The following HS6ST3 variants were observed in gnomAD, a reference collection of about 807,000 sequenced individuals.
The protein encoded by HS6ST3 is heparan sulfate 6-O-sulfotransferase 3.
HS6ST3 carries 12 observed loss-of-function variants against 36.7 expected under a neutral mutation model. That is an observed-to-expected ratio of 0.33 (90% CI 0.21 to 0.53). The LOEUF is 0.53. Ranked by LOEUF, HS6ST3 falls within the 20% of genes least tolerant of loss-of-function variation. HS6ST3 has a pLI of 0.95. For missense variants in HS6ST3, 584 were observed against 640.9 expected, an observed-to-expected ratio of 0.91 and a Z score of 0.96; for synonymous variants, 240 against 257.5, an observed-to-expected ratio of 0.93 and a Z score of 0.65.
intron 1 of HS6ST3, among the ~76,000 whole-genome samples, chr13:96,763,927 G>A (rs1334534359): frequency 6.6e-6 from 1 of 152,206 alleles, no homozygotes; most frequent in Non-Finnish European, 1.5e-5. Context: ...TAAGTGTGAA[G>A]TTAGAAACTA....
intron 1 of HS6ST3, among the ~76,000 whole-genome samples, chr13:96,505,624 T>C (rs1024615866): frequency 6.6e-6 from 1 of 152,164 alleles, no homozygotes; most frequent in Non-Finnish European, 1.5e-5. Flanking sequence ...TTACTTGTCT[T>C]CATTTGTTCT....
chr13:96,532,650 G>A (rs1462522441), intron 1 of HS6ST3, among the ~76,000 whole-genome samples: 1 of 152,164 alleles, frequency 6.6e-6, no homozygotes, highest in Non-Finnish European at 1.5e-5. Flanking sequence ...ATTTGTGCTA[G>A]GCTAACAAAG....
In HS6ST3 at chr13:96,619,172, G is replaced by A. The variant is rs12100266; in HGVS notation, c.708-213318G>A. 6.6e-5 allele frequency among the ~76,000 whole-genome samples: 10 copies of A among 152,278 alleles called. No individual in the cohort carries two copies. The South Asian group carries it at 2.1e-3, about 32-fold the overall frequency. ...TTCTCCATTGAAGTGTATGAATGTAGACACTTAAGGTTACATTTTCAAAGA... is the reference window on the plus strand; with the variant it reads ...TTCTCCATTGAAGTGTATGAATGTAAACACTTAAGGTTACATTTTCAAAGA... On this transcript the variant is annotated intron_variant, in intron 1 of 1. Coordinates refer to ENST00000376705, the MANE Select transcript of HS6ST3 (RefSeq NM_153456.4).
At chr13:96,232,864 A>C (rs2054515260) in intron 1 of HS6ST3, among the ~76,000 whole-genome samples, 1 of 152,150 alleles carries the variant, frequency 6.6e-6, no homozygotes, top group Non-Finnish European at 1.5e-5. Context: ...TGGGAAAGAA[A>C]TTAGCAAACG....
intron 1 of HS6ST3, among the ~76,000 whole-genome samples, chr13:96,387,545 G>C (rs1216938687): frequency 6.6e-6 from 1 of 152,166 alleles, no homozygotes; most frequent in African/African-American, 2.4e-5. Context: ...AGAATGCAGA[G>C]AATTATAATA....
intron 1 of HS6ST3, among the ~76,000 whole-genome samples, chr13:96,218,111 C>T (rs371657614): frequency 3.3e-5 from 5 of 152,146 alleles, no homozygotes; most frequent in African/African-American, 1.2e-4. Context: ...TCTAAATATG[C>T]AAGCCAGAAG....
At chr13:96,515,409 C>T (rs1034708887) in intron 1 of HS6ST3, among the ~76,000 whole-genome samples, 1 of 152,196 alleles carries the variant, frequency 6.6e-6, no homozygotes, top group Admixed American at 6.5e-5. Context: ...TGGCGTTGTT[C>T]ACATTTTAGT....
chr13:96,535,246 A>G (rs562677184), intron 1 of HS6ST3, among the ~76,000 whole-genome samples: 8 of 152,090 alleles, frequency 5.3e-5, no homozygotes, highest in Middle Eastern at 3.4e-3. Context: ...TTCTATAGGT[A>G]TGCGTGGAGT....
chr13:96,497,067 A>G (rs2055980631), intron 1 of HS6ST3, among the ~76,000 whole-genome samples: 1 of 151,994 alleles, frequency 6.6e-6, no homozygotes. Context: ...AGCCATCACT[A>G]GTCCAGGACA....
At chr13:96,748,835 G>C (rs945581944) in intron 1 of HS6ST3, among the ~76,000 whole-genome samples, 2 of 151,978 alleles carry the variant, frequency 1.3e-5, no homozygotes, top group Admixed American at 1.3e-4. Context: ...AGAAGAGTCT[G>C]GTTGTCACTA....
At chr13:96,488,119 A>C (rs2055924983) in intron 1 of HS6ST3, among the ~76,000 whole-genome samples, 1 of 152,134 alleles carries the variant, frequency 6.6e-6, no homozygotes, top group African/African-American at 2.4e-5. Flanking sequence ...AGATTTACCC[A>C]AAATGATTTT....
At chr13:96,153,036 A>C (rs9525134) in intron 1 of HS6ST3, among the ~76,000 whole-genome samples, 129,872 of 152,106 alleles carry the variant, frequency 0.85, 55,730 homozygotes, top group East Asian at 0.91. Flanking sequence ...CCTGAAATAC[A>C]ATCTCCTCCC....
chr13:96,406,145 T>C lies in HS6ST3; in HGVS notation c.707+314576T>C, dbSNP rs2055477177. Among the ~76,000 whole-genome samples the C allele has an allele frequency of 4.6e-5, 7 of 152,218 alleles. No homozygotes were observed. The South Asian group carries it at 1.5e-3, about 32-fold the overall frequency. ...TTGTATGTATTTTGGATTAGTTCGGTTTAATTACAGTCTCAGCATTTTCTA... is the reference window on the plus strand; with the variant it reads ...TTGTATGTATTTTGGATTAGTTCGGCTTAATTACAGTCTCAGCATTTTCTA... On this transcript the variant is annotated intron_variant, in intron 1 of 1. Transcript: ENST00000376705.
chr13:96,574,203 C>T (rs143719754), intron 1 of HS6ST3: 7 of 506,980 alleles, frequency 1.4e-5, no homozygotes, highest in Middle Eastern at 6.5e-4. Flanking sequence ...TGCTCTGTCT[C>T]CCTCCATACT....
At chr13:96,304,792 C>T (rs1477663992) in intron 1 of HS6ST3, among the ~76,000 whole-genome samples, 1 of 149,426 alleles carries the variant, frequency 6.7e-6, no homozygotes, top group African/African-American at 2.5e-5. Context: ...CTCACTGCAA[C>T]CTCCGCTTCC....
chr13:96,255,318 G>A (rs1299605615), intron 1 of HS6ST3, among the ~76,000 whole-genome samples: 3 of 152,136 alleles, frequency 2.0e-5, no homozygotes, highest in Admixed American at 2.0e-4. Flanking sequence ...ATGTACAAAA[G>A]CTGAGTTTCA....
At chr13:96,254,486 TATATATATATATACACATACATAC>T (rs1209653461) in intron 1 of HS6ST3, among the ~76,000 whole-genome samples, 4,033 of 13,270 alleles carry the variant, frequency 0.3, 585 homozygotes, top group East Asian at 0.49. Context: ...TATATATATA[TATATATATATATACACATACATAC>T]ACACACACAC....
At chr13:96,772,230 C>T (rs573480561) in intron 1 of HS6ST3, among the ~76,000 whole-genome samples, 14 of 152,278 alleles carry the variant, frequency 9.2e-5, no homozygotes, top group African/African-American at 3.4e-4. Flanking sequence ...CCTCGGGCCT[C>T]CTGCCCATTC....
chr13:96,827,587 AAAT>A (rs1238783760), intron 1 of HS6ST3, among the ~76,000 whole-genome samples: 1 of 152,180 alleles, frequency 6.6e-6, no homozygotes, highest in African/African-American at 2.4e-5. Flanking sequence ...CTTCATCAAT[AAAT>A]ATATTCCACT....
Sources: allele counts gnomAD v4.1 joint callset (sites outside exome capture counted in the v4.1 genomes callset), GRCh38; gene constraint gnomAD v4.1.1; transcripts MANE v1.5; gene names NCBI Gene and HGNC (gene_info 2026-07-23, HGNC 2026-07-21).